WWOX: variants seen among roughly 807,000 people sequenced by gnomAD.
The protein encoded by WWOX is WW domain containing oxidoreductase, also known as WW domain-containing oxidoreductase.
In WWOX, 69 loss-of-function variants were observed where a neutral mutation model predicts 46.2. That is an observed-to-expected ratio of 1.49 (90% CI 1.23 to 1.82). The LOEUF is 1.82. WWOX is among the 40% of genes most tolerant of loss of function. The probability of loss-of-function intolerance (pLI) is 0.00; values close to 1 mark genes in which losing one functional copy is unlikely to be tolerated. For missense variants in WWOX, 919 were observed against 542.6 expected (o/e 1.69, Z -6.89); for synonymous variants, 359 against 202.6 (o/e 1.77, Z -6.56).
chr16:78,786,163 G>A (rs1044727191), intron 8 of WWOX, among the ~76,000 whole-genome samples: 18 of 152,252 alleles, frequency 1.2e-4, no homozygotes, highest in Admixed American at 9.8e-4. Flanking sequence ...GCCTGTCTCC[G>A]CCTCCCAAAG....
intron 8 of WWOX, among the ~76,000 whole-genome samples, chr16:78,948,024 G>C (rs185454626): frequency 4.2e-4 from 64 of 152,364 alleles, no homozygotes; most frequent in Non-Finnish European, 3.4e-4. Flanking sequence ...TGGGACGATG[G>C]AGGCCTGAAG....
rs558999572 is a variant in WWOX at position 78,285,242 on chromosome 16, G to C, written c.517-101618G>C. ...GAGGCCAGGAGTTCGAGACTACCCTGGGCAACACAGTGAGACCCTGTCTCT... is the reference window on the plus strand; with the variant it reads ...GAGGCCAGGAGTTCGAGACTACCCTCGGCAACACAGTGAGACCCTGTCTCT... On this transcript the variant is annotated intron_variant, in intron 5 of 8. Coordinates refer to ENST00000566780, the MANE Select transcript of WWOX (RefSeq NM_016373.4). 3.7e-3 allele frequency among the ~76,000 whole-genome samples: 565 copies of C among 152,124 alleles called. 5 individuals carry two copies. Among genetic ancestry groups the C allele is most frequent in the Non-Finnish European group, 5.3e-3 (361 of 68,006 alleles).
At chr16:78,954,594 G>A (rs766867595) in intron 8 of WWOX, among the ~76,000 whole-genome samples, 7 of 152,116 alleles carry the variant, frequency 4.6e-5, no homozygotes, top group African/African-American at 7.2e-5. Context: ...GCCAGGGGCT[G>A]GAAACAGACA....
chr16:78,619,557 T>C (rs2046125552), intron 8 of WWOX, among the ~76,000 whole-genome samples: 1 of 151,730 alleles, frequency 6.6e-6, no homozygotes, highest in South Asian at 2.1e-4. Flanking sequence ...AATCTCAATT[T>C]TATTATACAA....
At chr16:78,620,031 C>A (rs968233251) in intron 8 of WWOX, among the ~76,000 whole-genome samples, 1 of 152,194 alleles carries the variant, frequency 6.6e-6, no homozygotes, top group African/African-American at 2.4e-5. Flanking sequence ...TAATCTCTAA[C>A]GTCAGCTTCC....
intron 8 of WWOX, among the ~76,000 whole-genome samples, chr16:79,056,585 G>C (rs763114072): frequency 3.9e-5 from 6 of 152,152 alleles, no homozygotes; most frequent in Non-Finnish European, 5.9e-5. Flanking sequence ...GTGCATTGTA[G>C]GATGTTTAGC....
chr16:78,931,836 C>G lies in WWOX; in HGVS notation c.1057-279772C>G, dbSNP rs77235218. The stretch of plus-strand genomic sequence containing the variant: ...TCTTGAACTTTAGCTCCCATAATCC[C>G]CACGCCACATGGGAGGGATTTGAAT... On this transcript the variant is annotated intron_variant, in intron 8 of 8. Coordinates refer to ENST00000566780, the MANE Select transcript of WWOX (RefSeq NM_016373.4). 9.9e-3 allele frequency among the ~76,000 whole-genome samples: 1,512 copies of G among 152,292 alleles called. 12 individuals are homozygous for G. Among genetic ancestry groups the G allele is most frequent in the Non-Finnish European group, 0.016 (1,098 of 68,040 alleles).
chr16:78,117,627 G>A (rs572658906), intron 4 of WWOX, among the ~76,000 whole-genome samples: 2 of 152,234 alleles, frequency 1.3e-5, no homozygotes, highest in South Asian at 4.1e-4. Context: ...GTAGGCTGTG[G>A]CTTCTAGATA....
chr16:78,617,696 C>T (rs903246378), intron 8 of WWOX, among the ~76,000 whole-genome samples: 15 of 152,278 alleles, frequency 9.9e-5, no homozygotes, highest in South Asian at 4.1e-4. Context: ...GGCCCCGCTG[C>T]ATTCTTCCCA....
intron 8 of WWOX, among the ~76,000 whole-genome samples, chr16:79,006,548 G>A (rs376073239): frequency 8.0e-4 from 122 of 151,560 alleles, no homozygotes; most frequent in African/African-American, 2.7e-3. Flanking sequence ...AGACATTTGT[G>A]AGGCACTGTA....
intron 8 of WWOX, among the ~76,000 whole-genome samples, chr16:78,573,750 C>A (rs1353452253): frequency 6.6e-6 from 1 of 152,152 alleles, no homozygotes; most frequent in African/African-American, 2.4e-5. Flanking sequence ...GCTTCCTGTC[C>A]TTGCCACACC....
At chr16:78,425,319 A>G (rs1367616816) in intron 7 of WWOX, among the ~76,000 whole-genome samples, 2 of 152,206 alleles carry the variant, frequency 1.3e-5, no homozygotes, top group African/African-American at 2.4e-5. Flanking sequence ...AGATGGAATA[A>G]TAATTGATGA....
At chr16:79,184,344 TGACA>T (rs1181508439) in intron 8 of WWOX, among the ~76,000 whole-genome samples, 4 of 152,172 alleles carry the variant, frequency 2.6e-5, no homozygotes, top group Non-Finnish European at 5.9e-5. Flanking sequence ...CCCATCACTG[TGACA>T]GACAGTGGCA....
At chr16:78,982,338 C>T (rs1367605530) in intron 8 of WWOX, among the ~76,000 whole-genome samples, 1 of 152,186 alleles carries the variant, frequency 6.6e-6, no homozygotes, top group African/African-American at 2.4e-5. Flanking sequence ...ACCTCCTCTT[C>T]ACTAAATAAG....
chr16:78,251,281 T>G (rs1696414787), intron 5 of WWOX, among the ~76,000 whole-genome samples: 1 of 152,314 alleles, frequency 6.6e-6, no homozygotes. Context: ...TCACAGTATG[T>G]TCTTATATGC....
intron 6 of WWOX, among the ~76,000 whole-genome samples, chr16:78,412,954 A>G (rs2082716529): frequency 6.6e-6 from 1 of 152,038 alleles, no homozygotes; most frequent in Non-Finnish European, 1.5e-5. Context: ...TGTTTTCTGC[A>G]TTTCTTTCCT....
At chr16:78,786,886 G>A (rs1597608494) in intron 8 of WWOX, among the ~76,000 whole-genome samples, 1 of 152,178 alleles carries the variant, frequency 6.6e-6, no homozygotes, top group African/African-American at 2.4e-5. Context: ...GGTGACTCAC[G>A]CCTGTAATCC....
At chr16:78,998,548 C>T (rs900777289) in intron 8 of WWOX, among the ~76,000 whole-genome samples, 2 of 152,132 alleles carry the variant, frequency 1.3e-5, no homozygotes, top group African/African-American at 4.8e-5. Flanking sequence ...GCTCTACCAC[C>T]TATGATCTGG....
chr16:79,095,300 C>A (rs144008295), intron 8 of WWOX, among the ~76,000 whole-genome samples: 1 of 152,098 alleles, frequency 6.6e-6, no homozygotes, highest in Non-Finnish European at 1.5e-5. Flanking sequence ...TATAGCTGTT[C>A]CTTCAAGGAG....
Sources: gnomAD v4.1 joint callset for allele counts (sites outside exome capture counted in the v4.1 genomes callset) on GRCh38, gnomAD v4.1.1 for gene constraint, MANE v1.5 for transcripts, NCBI Gene and HGNC (gene_info 2026-07-23, HGNC 2026-07-21) for gene names.